ECE1: variants seen among roughly 807,000 people sequenced by gnomAD.
ECE1 encodes endothelin-converting enzyme 1.
In ECE1, 35 loss-of-function variants were observed where a neutral mutation model predicts 98.6. The observed-to-expected ratio is 0.35, with a 90% confidence interval of 0.27 to 0.47. The LOEUF is 0.47. Ranked by LOEUF, ECE1 falls within the 20% of genes least tolerant of loss-of-function variation. The pLI is 1.00. For missense variants in ECE1, 814 were observed against 1,025.3 expected, an observed-to-expected ratio of 0.79 and a Z score of 2.81; for synonymous variants, 394 against 407.1, an observed-to-expected ratio of 0.97 and a Z score of 0.39.
intron 1 of ECE1, among the ~76,000 whole-genome samples, chr1:21,302,886 G>A (rs1268529580): frequency 6.6e-6 from 1 of 152,208 alleles, no homozygotes; most frequent in Non-Finnish European, 1.5e-5. Flanking sequence ...CCAGCTGTTG[G>A]CCCCTGGGCA....
intron 17 of ECE1, among the ~76,000 whole-genome samples, chr1:21,222,600 G>A (rs1411629982): frequency 6.6e-6 from 1 of 152,098 alleles, no homozygotes; most frequent in Non-Finnish European, 1.5e-5. Flanking sequence ...CAGCACTTTG[G>A]AAGGCCCAGG....
chr1:21,250,021 C>T (rs1174355090), intron 8 of ECE1, among the ~76,000 whole-genome samples: 1 of 151,348 alleles, frequency 6.6e-6, no homozygotes, highest in Non-Finnish European at 1.5e-5. Flanking sequence ...TCTGGTGATC[C>T]ACCCGTCTTG....
In ECE1 at chr1:21,338,296, A is replaced by G. The variant is rs1031438363; in HGVS notation, c.3+7080T>C. On this transcript the variant is annotated intron_variant, in intron 1 of 18. Coordinates refer to the ECE1 transcript ENST00000415912. ...GCTCCAGTTTCCAAGTGACGCAACCAAGTGTCTGGATTCAGAGAATCGCAA... is the reference window on the plus strand; with the variant it reads ...GCTCCAGTTTCCAAGTGACGCAACCGAGTGTCTGGATTCAGAGAATCGCAA... Among the ~76,000 whole-genome samples, 6 of 152,346 alleles carry G rather than the reference A, an allele frequency of 3.9e-5. 1 individual carries two copies. Among genetic ancestry groups the G allele is most frequent in the Admixed American group, 3.9e-4 (6 of 15,306 alleles).
rs986590274 is a variant in ECE1 at position 21,238,300 on chromosome 1, C to A, written c.1279-56G>T. ...GCCCCAGCCCTTTGTTTCCCAACCC[C>A]TTTCTTGCTGGGAGGTAGCACCATG... On this transcript the variant is annotated intron_variant, in intron 10 of 18. Transcript: ENST00000374893. The A allele has an allele frequency of 6.3e-6, 9 of 1,420,174 alleles. No homozygotes were observed. In the African/African-American group the frequency reaches 1.3e-4, roughly 20 times the overall value. 88.0% of individuals were successfully genotyped at this position (1,420,174 alleles called of 1,614,324 possible). A position where few individuals can be genotyped will look rare whatever the true frequency, so the allele number is the denominator to read the frequency against.
chr1:21,257,873 C>G (rs1463643023), intron 6 of ECE1, among the ~76,000 whole-genome samples: 1 of 152,258 alleles, frequency 6.6e-6, no homozygotes, highest in African/African-American at 2.4e-5. Context: ...GGCAAAGTGC[C>G]TCTATCTCCC....
intron 8 of ECE1, among the ~76,000 whole-genome samples, chr1:21,254,340 A>G (rs1247425197): frequency 6.6e-6 from 1 of 152,168 alleles, no homozygotes; most frequent in Non-Finnish European, 1.5e-5. Context: ...TTATAATCCC[A>G]GCACTTAGAG....
At chr1:21,248,009 C>T (rs1310759500) in intron 8 of ECE1, among the ~76,000 whole-genome samples, 2 of 152,156 alleles carry the variant, frequency 1.3e-5, no homozygotes, top group African/African-American at 4.8e-5. Context: ...TGAACTTCTA[C>T]ATGATTGGTA....
intron 1 of ECE1, among the ~76,000 whole-genome samples, chr1:21,313,448 G>A (rs1638769620): frequency 6.6e-6 from 1 of 152,194 alleles, no homozygotes; most frequent in South Asian, 2.1e-4. Flanking sequence ...TGACTGCATT[G>A]GCTCAGGAGG....
rs1573980331 is a variant in ECE1, at chr1:21,260,153, G to A, written c.615+118C>T. 1 of 1,438,176 alleles carries A rather than the reference G, an allele frequency of 7.0e-7. No homozygotes were observed. The highest frequency in any genetic ancestry group is 2.3e-5 in the East Asian group (1 of 43,966). The allele number at this position is 1,438,176 out of a possible 1,614,324, so 89.1% of individuals were successfully genotyped here. A position where few individuals can be genotyped will look rare whatever the true frequency, so the allele number is the denominator to read the frequency against. ...CTCTCTCTCTTTCTGTCTTTCTCTT[G>A]GTGCTACCGGCTGGACGTATGAGGT... On this transcript the variant is annotated intron_variant, in intron 5 of 18. Transcript: ENST00000374893. The surrounding 1 kb of genome is among the most constrained non-coding windows in gnomAD (Gnocchi z 4.3).
chr1:21,265,363 C>T (rs926667553), intron 4 of ECE1, among the ~76,000 whole-genome samples: 1 of 152,120 alleles, frequency 6.6e-6, no homozygotes. Context: ...GAAACCCTGT[C>T]TCTACTAAAA....
rs2098166606 is a variant in ECE1, at chr1:21,220,929, A to AC, written c.2137-799dup. 6.6e-6 allele frequency among the ~76,000 whole-genome samples: 1 copy of AC among 151,664 alleles called. No homozygotes were observed. Among genetic ancestry groups the AC allele is most frequent in the Non-Finnish European group, 1.5e-5 (1 of 67,880 alleles). On this transcript the variant is annotated intron_variant, in intron 18 of 18. Transcript: ENST00000374893. This position sits in a 1 kb window ranked among gnomAD's most constrained non-coding sequence, Gnocchi z 5.0. ...TGGGCTGGTGTAGGGCTGGTGTGCC[A>AC]CCCCCCATGCCAGCAGCCTCTAACG...
At chr1:21,295,800 A>G (rs764665330) in intron 1 of ECE1, among the ~76,000 whole-genome samples, 1 of 152,220 alleles carries the variant, frequency 6.6e-6, no homozygotes, top group Admixed American at 6.5e-5. Context: ...CAGAGTTAGA[A>G]ACAACATTTA....
chr1:21,288,901 G>GT (rs1180311170), intron 2 of ECE1, among the ~76,000 whole-genome samples: 1 of 152,148 alleles, frequency 6.6e-6, no homozygotes, highest in African/African-American at 2.4e-5. Context: ...AGGTCTCAGG[G>GT]GTGTTCCTGA....
Position 21,235,744 on chromosome 1 carries a change from T to C in ECE1, c.1566+106A>G. 8.5e-7 allele frequency: 1 copy of C among 1,178,680 alleles called. No individual in the cohort carries two copies. The highest frequency in any genetic ancestry group is 1.3e-6 in the Non-Finnish European group (1 of 785,126). The allele number at this position is 1,178,680 out of a possible 1,614,324, so 73.0% of individuals were successfully genotyped here. ...CCACACCACATCATCCCTGTGTGTT[T>C]TGACAACCATGCTGCCTCTAGCACC... On this transcript the variant is annotated intron_variant, in intron 13 of 18. Coordinates refer to ENST00000374893, the MANE Select transcript of ECE1 (RefSeq NM_001397.3). This position sits in a 1 kb window ranked among gnomAD's most constrained non-coding sequence, Gnocchi z 4.2.
At chr1:21,247,160 C>A (rs2098204837) in intron 9 of ECE1, 61 bp downstream of exon 9, 1 of 1,612,624 alleles carries the variant, frequency 6.2e-7, no homozygotes, top group Admixed American at 1.7e-5. Flanking sequence ...CCCCTGCCCA[C>A]CTGCCCAAGA....
intron 4 of ECE1, among the ~76,000 whole-genome samples, chr1:21,262,964 A>G (rs908566531): frequency 2.6e-5 from 4 of 152,170 alleles, no homozygotes; most frequent in African/African-American, 4.8e-5. Flanking sequence ...CAGCGTGGTG[A>G]GTGAGGCAAA....
chr1:21,276,306 G>A (rs1293717110), intron 3 of ECE1, among the ~76,000 whole-genome samples: 1 of 152,134 alleles, frequency 6.6e-6, no homozygotes, highest in Admixed American at 6.6e-5. Context: ...GATTATAGGC[G>A]TGAGCCACTG....
chr1:21,308,614 G>C (rs1247276258), intron 1 of ECE1, among the ~76,000 whole-genome samples: 1 of 152,054 alleles, frequency 6.6e-6, no homozygotes, highest in Admixed American at 6.5e-5. Flanking sequence ...AAATTGGCTG[G>C]GTGACCTCAA....
At chr1:21,304,039 G>A (rs1415574015) in intron 1 of ECE1, among the ~76,000 whole-genome samples, 1 of 151,212 alleles carries the variant, frequency 6.6e-6, no homozygotes, top group Non-Finnish European at 1.5e-5. Flanking sequence ...AAAAGGGCCG[G>A]GCGCAGTGGC....
Sources: gnomAD v4.1 joint callset for allele counts (sites outside exome capture counted in the v4.1 genomes callset) on GRCh38, gnomAD v4.1.1 for gene constraint, Gnocchi (gnomAD v3.1) non-coding constraint, MANE v1.5 for transcripts, NCBI Gene and HGNC (gene_info 2026-07-23, HGNC 2026-07-21) for gene names.